DVL1: variants seen among roughly 807,000 people sequenced by gnomAD.
DVL1 encodes the protein segment polarity protein dishevelled homolog DVL-1.
DVL1 carries 49 observed loss-of-function variants against 65.0 expected under a neutral mutation model. The ratio of observed to expected loss-of-function variants is 0.75; its 90% CI spans 0.60 to 0.96. The LOEUF is 0.96. DVL1 is among the 40% of genes least tolerant of loss of function. The pLI is 0.00. For missense variants in DVL1, 1,197 were observed against 1,045.4 expected (o/e 1.15, Z -2.00); for synonymous variants, 608 against 433.9 (o/e 1.40, Z -4.99).
chr1:1,337,942 A>G (rs1643637099), intron 14 of DVL1, 35 bp downstream of exon 14: 2 of 1,569,530 alleles, frequency 1.3e-6, no homozygotes, highest in Non-Finnish European at 8.7e-7. Context: ...CTGGGGGCGG[A>G]GCCGGGGAAG....
At chr1:1,341,002 C>A (rs528799490) in intron 5 of DVL1, among the ~76,000 whole-genome samples, 1 of 146,212 alleles carries the variant, frequency 6.8e-6, no homozygotes, top group South Asian at 2.2e-4. Context: ...GCATACTCAC[C>A]TGCACACGCA....
At chr1:1,347,433 G>A (rs889351877) in intron 1 of DVL1, among the ~76,000 whole-genome samples, 9 of 152,296 alleles carry the variant, frequency 5.9e-5, no homozygotes, top group South Asian at 2.1e-4. Context: ...GGCTGTCTCT[G>A]CCCTGGGCAG....
intron 8 of DVL1, 96 bp downstream of exon 8, chr1:1,339,942 C>T: frequency 6.5e-7 from 1 of 1,549,926 alleles, no homozygotes; most frequent in Admixed American, 1.7e-5. Flanking sequence ...TGTCCCCCAG[C>T]AGCCCCTACA....
At position 1,341,659 on chromosome 1, in the gene DVL1, CCA is replaced by C. The variant is rs573517540; in HGVS notation, c.605+6_605+7del. 1,680 of 1,599,232 alleles carry C rather than the reference CCA, an allele frequency of 1.1e-3. 10 individuals are homozygous for C. In the African/African-American group the frequency reaches 0.02, roughly 19 times the overall value. ...CAGGCATACACGCCCACAGACACTC[CCA>C]CACACCTGCTCGTGCTGCCATCCTC... On this transcript the variant is annotated splice_donor_region_variant and intron_variant, in intron 5 of 14. Transcript: ENST00000378888.
chr1:1,340,605 C>T (rs1214085187), intron 5 of DVL1, 102 bp from the exon 6 acceptor site: 2 of 1,315,720 alleles, frequency 1.5e-6, no homozygotes, highest in East Asian at 2.5e-5. Context: ...CTAGGCCAGG[C>T]TTGTTCCAAA....
At chr1:1,341,523 T>C in intron 5 of DVL1, 144 bp downstream of exon 5, 1 of 1,149,774 alleles carries the variant, frequency 8.7e-7, no homozygotes, top group Non-Finnish European at 1.2e-6. Flanking sequence ...GTGCATCATG[T>C]ACACAGACAT....
chr1:1,338,707 C>T, intron 11 of DVL1, 54 bp from the exon 12 acceptor site: 1 of 1,576,474 alleles, frequency 6.3e-7, no homozygotes, highest in Admixed American at 1.7e-5. Context: ...GCGGGGGACT[C>T]AGGGCCCTGC....
chr1:1,336,436 C>A lies in DVL1; in HGVS notation c.1794G>T (p.Gly598=), dbSNP rs759036207. The A allele has an allele frequency of 1.3e-6, 2 of 1,586,070 alleles. No individual in the cohort carries two copies. The highest frequency in any genetic ancestry group is 1.7e-5 in the Admixed American group (1 of 57,340). Residue 598 remains glycine, a synonymous_variant, in exon 15 of 15, where the codon GGG becomes GGT. Coordinates refer to ENST00000378888, the MANE Select transcript of DVL1 (RefSeq NM_001330311.2). ...REKERRAAGA[G]GSGSESDHTA... is the part of the protein sequence containing the mutation. ...TGTGATCCGATTCACTGCCACTGCC[C>A]CCAGCTCCCGCCGCCCGACGCTCCT...
rs1396227424 is a variant in DVL1, at chr1:1,349,159, C to G, written c.-94G>C. 1.3e-6 allele frequency: 1 copy of G among 772,126 alleles called. No individual in the cohort carries two copies. Among genetic ancestry groups the G allele is most frequent in the Admixed American group, 6.4e-5 (1 of 15,528 alleles). 47.8% of individuals were successfully genotyped at this position (772,126 alleles called of 1,614,324 possible). On this transcript the variant is annotated 5_prime_UTR_variant, in exon 1 of 15. Coordinates refer to ENST00000378888, the MANE Select transcript of DVL1 (RefSeq NM_001330311.2). This position sits in a 1 kb window ranked among gnomAD's most constrained non-coding sequence, Gnocchi z 4.1. ...GCCCGCCCGCCTGCGCCCCGCCCGGCCCGCACCGCTCTCGGCCCCGACGCT... is the reference window on the plus strand; with the variant it reads ...GCCCGCCCGCCTGCGCCCCGCCCGGGCCGCACCGCTCTCGGCCCCGACGCT...
intron 1 of DVL1, among the ~76,000 whole-genome samples, chr1:1,346,752 C>T (rs544171387): frequency 1.3e-5 from 2 of 152,298 alleles, no homozygotes; most frequent in South Asian, 2.1e-4. Flanking sequence ...CGGGGGCTGG[C>T]GCAGGAACCC....
intron 5 of DVL1, among the ~76,000 whole-genome samples, chr1:1,341,440 G>A (rs1257544916): frequency 2.6e-5 from 4 of 152,044 alleles, no homozygotes; most frequent in East Asian, 1.9e-4. Context: ...ACGTTTGCAC[G>A]CGGGCACACA....
chr1:1,347,603 T>C (rs1254641967), intron 1 of DVL1, among the ~76,000 whole-genome samples: 1 of 152,084 alleles, frequency 6.6e-6, no homozygotes, highest in Non-Finnish European at 1.5e-5. Context: ...TAACTTTCGT[T>C]AGAATAATAA....
chr1:1,340,645 A>G, intron 5 of DVL1, 142 bp from the exon 6 acceptor site: 1 of 845,800 alleles, frequency 1.2e-6, no homozygotes, highest in Non-Finnish European at 1.8e-6. Context: ...TCCACGCCCC[A>G]GGCCCTGCAC....
At chr1:1,343,042 CA>C (rs1221512638) in intron 1 of DVL1, among the ~76,000 whole-genome samples, 6 of 152,120 alleles carry the variant, frequency 3.9e-5, no homozygotes, top group African/African-American at 1.4e-4. Flanking sequence ...ACCCCCCCAG[CA>C]TGGGGACAGT....
chr1:1,340,464 G>C lies in DVL1; in HGVS notation c.645C>G (p.Leu215=). 1 of 1,611,098 alleles carries C rather than the reference G, an allele frequency of 6.2e-7. No homozygotes were observed. Among genetic ancestry groups the C allele is most frequent in the East Asian group, 2.2e-5 (1 of 44,794 alleles). Residue 215 remains leucine, a synonymous_variant, in exon 6 of 15, where the codon CTC becomes CTG. Transcript: ENST00000378888. ...TCCGCCGGCGTTTGTGCTTCCGGAT[G>C]AGTCTGGATGAGGTGCTCTGCTCCG... ...SSTEQSTSSR[L]IRKHKRRRRK...
intron 1 of DVL1, among the ~76,000 whole-genome samples, 185 bp from the exon 2 acceptor site, chr1:1,342,943 A>C: frequency 7.1e-6 from 1 of 140,990 alleles, no homozygotes; most frequent in South Asian, 2.3e-4. Context: ...CCACCCCCCC[A>C]GCATGGGGCC....
intron 4 of DVL1, 53 bp downstream of exon 4, chr1:1,342,000 G>C: frequency 4.0e-6 from 6 of 1,495,534 alleles, no homozygotes; most frequent in Non-Finnish European, 5.4e-6. Context: ...CATGGCTCAT[G>C]GGGGTCCCAG....
intron 2 of DVL1, 25 bp from the exon 3 acceptor site, chr1:1,342,509 G>A: frequency 6.2e-7 from 1 of 1,605,118 alleles, no homozygotes. Flanking sequence ...GGCATGCTCA[G>A]GGGAGCCCAC....
At position 1,336,479 on chromosome 1, in the gene DVL1, C is replaced by T. The variant is rs1388656343; in HGVS notation, c.1751G>A (p.Arg584Gln). 8 of 1,547,888 alleles carry T rather than the reference C, an allele frequency of 5.2e-6. No individual in the cohort carries two copies. Among genetic ancestry groups the T allele is most frequent in the African/African-American group, 2.8e-5 (2 of 72,568 alleles). Residue 584 changes from arginine (R) to glutamine (Q), a missense_variant, in exon 15 of 15, where the codon CGG becomes CAG. Physicochemically the swap from Arg to Gln is conservative, Grantham distance 43. Transcript: ENST00000378888. ...ACGCTCCTTCTCACGGCCCGGGGCC[C>T]GGCGGCTGCTCCGGGTGGACCCACT... ...KSSGSTRSSR[R>Q]APGREKERRA...
Sources: gnomAD v4.1 joint callset for allele counts (sites outside exome capture counted in the v4.1 genomes callset) on GRCh38, gnomAD v4.1.1 for gene constraint, Gnocchi (gnomAD v3.1) non-coding constraint, MANE v1.5 for transcripts, NCBI Gene and HGNC (gene_info 2026-07-23, HGNC 2026-07-21) for gene names.